KIR3DL1: variants seen among roughly 807,000 people sequenced by gnomAD.
KIR3DL1 encodes killer cell immunoglobulin like receptor, three Ig domains and long cytoplasmic tail 1.
Under a neutral mutation model 40.3 loss-of-function variants are expected in KIR3DL1, and 50 were observed. The ratio of observed to expected loss-of-function variants is 1.24; its 90% CI spans 0.99 to 1.57. The LOEUF is 1.57. Ranked by LOEUF, KIR3DL1 falls within the 40% of genes most tolerant of loss-of-function variation. The probability of loss-of-function intolerance (pLI) is 0.00; values close to 1 mark genes in which losing one functional copy is unlikely to be tolerated. For synonymous variants in KIR3DL1, 257 were observed against 207.2 expected (o/e 1.24, Z -2.07); for missense variants, 661 against 559.9 (o/e 1.18, Z -1.82).
chr19:54,828,350 C>T (rs948505685), intron 6 of KIR3DL1, among the ~76,000 whole-genome samples: 6 of 151,380 alleles, frequency 4.0e-5, no homozygotes, highest in Non-Finnish European at 8.8e-5. Context: ...CCAGAGAAGA[C>T]TCTAAACACC....
rs765254609 is a variant in KIR3DL1, at chr19:54,827,796, T to C, written c.1001-1565T>C. Among the ~76,000 whole-genome samples the C allele has an allele frequency of 1.8e-3, 270 of 150,616 alleles. 5 individuals are homozygous for C. The highest frequency in any genetic ancestry group is 3.2e-3 in the Admixed American group (49 of 15,176). ...GGCTTTCTGTGAGCATGAGATCATA[T>C]AGAAAATGTGAAAGCCCGCTGAATC... On this transcript the variant is annotated intron_variant, in intron 6 of 8. Transcript: ENST00000391728.
chr19:54,826,375 C>CA (rs939317341), intron 6 of KIR3DL1, among the ~76,000 whole-genome samples: 22 of 149,898 alleles, frequency 1.5e-4, no homozygotes, highest in African/African-American at 5.3e-4. Flanking sequence ...AGTGCAGTGT[C>CA]ACGATCTTGG....
At chr19:54,828,929 G>T (rs1167360875) in intron 6 of KIR3DL1, among the ~76,000 whole-genome samples, 1 of 141,568 alleles carries the variant, frequency 7.1e-6, no homozygotes, top group African/African-American at 2.5e-5. Flanking sequence ...CACACGGCAA[G>T]AGAGGGAGCA....
At chr19:54,828,304 G>A (rs1268233328) in intron 6 of KIR3DL1, among the ~76,000 whole-genome samples, 5 of 151,278 alleles carry the variant, frequency 3.3e-5, no homozygotes, top group African/African-American at 4.9e-5. Context: ...AAATCCTAAA[G>A]CACATTCGCT....
chr19:54,829,386 G>C (rs150471749), exon 7 of KIR3DL1: 193,338 of 1,418,970 alleles, frequency 0.14, 33,152 homozygotes, highest in Non-Finnish European at 0.15. Context: ...TGCACATTCT[G>C]ATTGGGACCT....
intron 3 of KIR3DL1, among the ~76,000 whole-genome samples, chr19:54,819,299 G>T (rs756426294): frequency 2.7e-5 from 3 of 109,158 alleles, no homozygotes; most frequent in African/African-American, 5.6e-5. Flanking sequence ...GTGGTGGTGG[G>T]CACGAGTAAT....
In KIR3DL1 at chr19:54,829,938, A is replaced by G; in HGVS notation, c.1116A>G (p.Val372=). 4 of 1,525,682 alleles carry G rather than the reference A, an allele frequency of 2.6e-6. 1 individual carries two copies. The highest frequency in any genetic ancestry group is 3.6e-6 in the Non-Finnish European group (4 of 1,123,790). The allele number at this position is 1,525,682 out of a possible 1,614,324, so 94.5% of individuals were successfully genotyped here. A position where few individuals can be genotyped will look rare whatever the true frequency, so the allele number is the denominator to read the frequency against. Reference sequence around the variant, plus strand: ...TTCCGTCTCCTACAGATGCTGCTGTAATGGACCAAGAGCCTGCAGGGAACA... The same window carrying G: ...TTCCGTCTCCTACAGATGCTGCTGTGATGGACCAAGAGCCTGCAGGGAACA... The change falls in exon 8 of 9, where the codon GTA becomes GTG. Residue 372 remains valine, a synonymous_variant. Coordinates refer to ENST00000391728, the Ensembl canonical transcript of KIR3DL1.
intron 1 of KIR3DL1, among the ~76,000 whole-genome samples, chr19:54,816,811 T>TAGGG (rs1556525130): frequency 2.4e-5 from 2 of 84,676 alleles, no homozygotes; most frequent in Non-Finnish European, 2.1e-5. Flanking sequence ...GGAGGGGAGA[T>TAGGG]ATGGGCCTGG....
intron 4 of KIR3DL1, among the ~76,000 whole-genome samples, chr19:54,821,211 A>T (rs1267979679): frequency 8.6e-5 from 13 of 150,884 alleles, no homozygotes; most frequent in East Asian, 3.9e-4. Context: ...TTGTAGATAG[A>T]CACAAAATAG....
At chr19:54,828,559 T>C (rs770438528) in intron 6 of KIR3DL1, among the ~76,000 whole-genome samples, 1 of 150,920 alleles carries the variant, frequency 6.6e-6, no homozygotes, top group Non-Finnish European at 1.5e-5. Flanking sequence ...AGTCACCCCA[T>C]TTGCAGTGTA....
intron 6 of KIR3DL1, among the ~76,000 whole-genome samples, chr19:54,825,879 G>T: frequency 6.6e-6 from 1 of 150,894 alleles, no homozygotes; most frequent in African/African-American, 2.5e-5. Context: ...ATCTCACATG[G>T]CATCACTCAG....
rs1169437394 is a variant in KIR3DL1 at position 54,830,341 on chromosome 19, C to A, written c.*66C>A. On this transcript the variant is annotated 3_prime_UTR_variant, in exon 9 of 9. Coordinates refer to ENST00000391728, the Ensembl canonical transcript of KIR3DL1. ...ACAGCCCTGTCTCAAAACCGAGTTG[C>A]CAGCTCCCATGTACCAGCAGCTGGA... 2.1e-6 allele frequency: 3 copies of A among 1,453,922 alleles called. 1 individual carries two copies. The highest frequency in any genetic ancestry group is 2.8e-5 in the African/African-American group (2 of 71,240). 90.1% of individuals were successfully genotyped at this position (1,453,922 alleles called of 1,614,324 possible).
At position 54,821,668 on chromosome 19, in the gene KIR3DL1, C is replaced by A; in HGVS notation, c.759C>A (p.Tyr253Ter). The A allele has an allele frequency of 1.9e-6, 3 of 1,609,956 alleles. No homozygotes were observed. Among genetic ancestry groups the A allele is most frequent in the Non-Finnish European group, 2.5e-6 (3 of 1,178,112 alleles). ...GCTCCCGGAGCTCCTATGACATGTA[C>A]CATCTATCCAGGGAGGGGGGAGCCC... Residue 253 changes from tyrosine to a stop codon, truncating the protein, a stop_gained, in exon 5 of 9, where the codon TAC becomes TAA. Coordinates refer to ENST00000391728, the Ensembl canonical transcript of KIR3DL1. LOFTEE classifies it high-confidence loss of function.
intron 7 of KIR3DL1, 128 bp from the exon 8 acceptor site, chr19:54,829,800 T>G (rs1181275596): frequency 2.3e-6 from 2 of 866,930 alleles, no homozygotes; most frequent in Non-Finnish European, 3.5e-6. Flanking sequence ...ATAGAATGTC[T>G]GAGTCTGCTG....
chr19:54,829,880 A>T (rs777959985), intron 7 of KIR3DL1, 48 bp from the exon 8 acceptor site: 2 of 1,482,948 alleles, frequency 1.3e-6, no homozygotes, highest in East Asian at 2.4e-5. Context: ...TGAAATGAGG[A>T]CCCAGAAGTG....
chr19:54,826,121 C>T (rs3826877), intron 6 of KIR3DL1, among the ~76,000 whole-genome samples: 47,386 of 143,646 alleles, frequency 0.33, 9,782 homozygotes, highest in African/African-American at 0.55. Context: ...CTATGGAGGC[C>T]AGGACAGGGA....
intron 6 of KIR3DL1, among the ~76,000 whole-genome samples, chr19:54,827,570 G>C (rs538532262): frequency 6.0e-5 from 9 of 150,192 alleles, no homozygotes; most frequent in Non-Finnish European, 1.2e-4. Context: ...AGTGGAGATC[G>C]CATCACTGCA....
rs1390512513 is a variant in KIR3DL1 at position 54,830,411 on chromosome 19, C to T, written c.*136C>T. On this transcript the variant is annotated 3_prime_UTR_variant, in exon 9 of 9. Coordinates refer to ENST00000391728, the Ensembl canonical transcript of KIR3DL1. ...CATCTTAGGGCATCGCTCCTCCTCA[C>T]GCCACAAATCTGGTGCCTCTCTCTT... 6.6e-6 allele frequency: 7 copies of T among 1,061,516 alleles called. 2 individuals carry two copies. Among genetic ancestry groups the T allele is most frequent in the African/African-American group, 1.6e-5 (1 of 63,956 alleles). The allele number at this position is 1,061,516 out of a possible 1,614,324, so 65.8% of individuals were successfully genotyped here. A position where few individuals can be genotyped will look rare whatever the true frequency, so the allele number is the denominator to read the frequency against.
intron 6 of KIR3DL1, among the ~76,000 whole-genome samples, chr19:54,827,658 C>T (rs146910432): frequency 0.012 from 1,790 of 150,232 alleles, 60 homozygotes; most frequent in Middle Eastern, 0.027. Flanking sequence ...AAAACACACA[C>T]GAATGACAAA....
Sources: allele counts gnomAD v4.1 joint callset (sites outside exome capture counted in the v4.1 genomes callset), GRCh38; gene constraint gnomAD v4.1.1; transcripts MANE v1.5; gene names NCBI Gene and HGNC (gene_info 2026-07-23, HGNC 2026-07-21).